Variants in INSC observed in about 807,000 individuals in gnomAD.
The protein encoded by INSC is protein inscuteable homolog.
A neutral mutation model predicts 58.6 loss-of-function variants in INSC; 67 were observed. That is an observed-to-expected ratio of 1.14 (90% confidence interval 0.94 to 1.40). INSC has a LOEUF of 1.40. INSC is among the 40% of genes most tolerant of loss of function. The pLI is 0.00. For synonymous variants in INSC, 262 were observed against 276.1 expected (o/e 0.95, Z 0.51); for missense variants, 714 against 692.0 (o/e 1.03, Z -0.36).
chr11:15,239,118 T>C (rs1852245581), intron 11 of INSC, 44 bp downstream of exon 11: 3 of 1,579,578 alleles, frequency 1.9e-6, no homozygotes, highest in Non-Finnish European at 2.6e-6. Flanking sequence ...AGTGGGGGTA[T>C]TGGGGGTGGG....
intron 2 of INSC, among the ~76,000 whole-genome samples, chr11:15,168,509 T>C (rs1047336829): frequency 6.6e-6 from 1 of 152,184 alleles, no homozygotes; most frequent in Admixed American, 6.5e-5. Flanking sequence ...ATATTTCTAG[T>C]TATTGTGACA....
intron 6 of INSC, among the ~76,000 whole-genome samples, 166 bp from the exon 7 acceptor site, chr11:15,200,658 G>A (rs1850545749): frequency 6.6e-6 from 1 of 152,080 alleles, no homozygotes; most frequent in African/African-American, 2.4e-5. Context: ...TCTCTGTAGT[G>A]TACATGTGAG....
intron 3 of INSC, among the ~76,000 whole-genome samples, 167 bp from the exon 4 acceptor site, chr11:15,176,944 C>T (rs533527220): frequency 1.3e-5 from 2 of 152,306 alleles, no homozygotes; most frequent in South Asian, 2.1e-4. Context: ...AGCAGCCTAC[C>T]GTGAGCTCTT....
chr11:15,193,639 G>A (rs2133867297), intron 6 of INSC, among the ~76,000 whole-genome samples: 1 of 152,286 alleles, frequency 6.6e-6, no homozygotes, highest in African/African-American at 2.4e-5. Context: ...TTTTATGGCT[G>A]CATAGTATTC....
chr11:15,120,117 ATT>A (rs920645884), intron 1 of INSC, among the ~76,000 whole-genome samples: 1 of 152,118 alleles, frequency 6.6e-6, no homozygotes, highest in Non-Finnish European at 1.5e-5. Context: ...GAGAGAACTC[ATT>A]TCTCTCACTT....
At chr11:15,158,860 G>GTTTTTTTTTTTTTTTTTTT (rs529518368) in intron 2 of INSC, among the ~76,000 whole-genome samples, 8 of 109,706 alleles carry the variant, frequency 7.3e-5, no homozygotes, top group African/African-American at 2.5e-4. Context: ...ATTGTTGGTG[G>GTTTTTTTTTTTTTTTTTTT]TTTTTTTTTT....
At chr11:15,113,373 A>G (rs1271946647), upstream of INSC, among the ~76,000 whole-genome samples, 2 of 152,142 alleles carry the variant, frequency 1.3e-5, no homozygotes, top group African/African-American at 2.4e-5. Context: ...GTCGGCCAGG[A>G]TGGACTTAAT....
intron 7 of INSC, among the ~76,000 whole-genome samples, chr11:15,216,649 C>G (rs1442553607): frequency 2.0e-5 from 3 of 152,204 alleles, no homozygotes; most frequent in African/African-American, 7.2e-5. Context: ...AGAAATCACT[C>G]CCATTTTAAA....
At chr11:15,177,614 C>A (rs189513170) in intron 4 of INSC, among the ~76,000 whole-genome samples, 69 of 152,318 alleles carry the variant, frequency 4.5e-4, no homozygotes, top group African/African-American at 1.6e-3. Flanking sequence ...TACATTCACA[C>A]CCTTTCCTCC....
intron 1 of INSC, among the ~76,000 whole-genome samples, chr11:15,141,464 C>A (rs1178682330): frequency 6.6e-6 from 1 of 152,156 alleles, no homozygotes; most frequent in Non-Finnish European, 1.5e-5. Flanking sequence ...CAGCCCTGCT[C>A]TGTGAGTCCT....
chr11:15,140,354 C>T (rs1311138793), intron 1 of INSC, among the ~76,000 whole-genome samples: 1 of 152,166 alleles, frequency 6.6e-6, no homozygotes, highest in African/African-American at 2.4e-5. Context: ...AAAGTGCAAG[C>T]GTACTTGCGC....
At chr11:15,115,024 G>C (rs955046085) in intron 1 of INSC, 21 bp downstream of exon 1, 59 of 985,122 alleles carry the variant, frequency 6.0e-5, no homozygotes, top group Non-Finnish European at 6.9e-5. Flanking sequence ...AGCTCCCCTA[G>C]CTGGATTCAG....
In INSC at chr11:15,177,159, G is replaced by T; in HGVS notation, c.451G>T (p.Glu151Ter). ...ATGCTCGGAGCTCTCGGCAGTCACA[G>T]AGAGGTAAATTTGGACCATAGATCT... ...EKCSELSAVT[E>*]RCLQVENEHV... The change falls in exon 4 of 13, where the codon GAG becomes TAG. Residue 151 changes from glutamate to a stop codon, truncating the protein, a stop_gained. Transcript: ENST00000379556. LOFTEE classifies it high-confidence loss of function. 1 of 1,613,982 alleles carries T rather than the reference G, an allele frequency of 6.2e-7. No homozygotes were observed.
chr11:15,187,852 A>G (rs1460426431), intron 5 of INSC, among the ~76,000 whole-genome samples: 2 of 152,044 alleles, frequency 1.3e-5, no homozygotes, highest in Non-Finnish European at 2.9e-5. Context: ...AAACGTCTCC[A>G]ATGTCTTCTT....
At chr11:15,141,364 G>C (rs1020705961) in intron 1 of INSC, among the ~76,000 whole-genome samples, 1 of 152,182 alleles carries the variant, frequency 6.6e-6, no homozygotes, top group Non-Finnish European at 1.5e-5. Context: ...CAGAATTGAG[G>C]GGCGGAACAA....
rs151198308 is a variant in INSC, at chr11:15,211,889, C to T, written c.820-9588C>T. 1.0e-3 allele frequency among the ~76,000 whole-genome samples: 152 copies of T among 149,524 alleles called. 3 individuals carry two copies. The highest frequency in any genetic ancestry group is 3.7e-3 in the African/African-American group (148 of 40,538). ...TTTCTGTTCCATTAGCCTTTTTGTTCATCTTGTGCCAATAGAGCACGGGGC... is the reference window on the plus strand; with the variant it reads ...TTTCTGTTCCATTAGCCTTTTTGTTTATCTTGTGCCAATAGAGCACGGGGC... On this transcript the variant is annotated intron_variant, in intron 7 of 12. Coordinates refer to ENST00000379556, the MANE Select transcript of INSC (RefSeq NM_001042536.3).
chr11:15,200,172 C>T (rs1850525261), intron 6 of INSC, among the ~76,000 whole-genome samples: 1 of 146,248 alleles, frequency 6.8e-6, no homozygotes, highest in Admixed American at 6.6e-5. Flanking sequence ...CACACACACA[C>T]ACACACACAC....
intron 1 of INSC, among the ~76,000 whole-genome samples, chr11:15,132,517 G>A (rs1848148776): frequency 6.6e-6 from 1 of 152,070 alleles, no homozygotes; most frequent in Non-Finnish European, 1.5e-5. Context: ...GAACTCTTGG[G>A]CTTAAGTGAT....
intron 9 of INSC, among the ~76,000 whole-genome samples, chr11:15,234,646 T>G (rs1852053442): frequency 1.3e-5 from 2 of 152,166 alleles, no homozygotes; most frequent in African/African-American, 4.8e-5. Context: ...TAAATTTTAT[T>G]TTATTATTCA....
Sources: allele counts gnomAD v4.1 joint callset (sites outside exome capture counted in the v4.1 genomes callset), GRCh38; gene constraint gnomAD v4.1.1; transcripts MANE v1.5; gene names NCBI Gene and HGNC (gene_info 2026-07-23, HGNC 2026-07-21).